The following SAMSN1 variants were observed in gnomAD, a reference collection of about 807,000 sequenced individuals.
The protein encoded by SAMSN1 is SAM domain, SH3 domain and nuclear localization signals 1, also known as SAM domain-containing protein SAMSN-1.
In SAMSN1, 31 loss-of-function variants were observed where a neutral mutation model predicts 42.0. That is an observed-to-expected ratio of 0.74 (90% CI 0.55 to 1.00). The LOEUF (loss-of-function observed/expected upper bound fraction) is 1.00. Ranked by LOEUF, SAMSN1 falls within the 50% of genes least tolerant of loss-of-function variation. The pLI, the probability that SAMSN1 is intolerant of heterozygous loss-of-function variation, is 0.00. For missense variants in SAMSN1, 464 were observed against 439.4 expected (o/e 1.06, Z -0.50); for synonymous variants, 178 against 151.9 (o/e 1.17, Z -1.26).
chr21:14,612,698 A>G (rs1014649506), intron 4 of SAMSN1: 15 of 655,938 alleles, frequency 2.3e-5, no homozygotes, highest in South Asian at 7.7e-5. Context: ...TTTCTTTGTC[A>G]TAGCCATTTA....
chr21:14,486,278 A>G (rs1360347896), intron 7 of SAMSN1, among the ~76,000 whole-genome samples, 164 bp from the exon 8 acceptor site: 2 of 152,190 alleles, frequency 1.3e-5, no homozygotes, highest in Non-Finnish European at 2.9e-5. Flanking sequence ...TACAAAAGAG[A>G]TATTTGCACC....
intron 1 of SAMSN1, among the ~76,000 whole-genome samples, chr21:14,544,876 T>C (rs1481578272): frequency 2.0e-5 from 3 of 152,154 alleles, no homozygotes. Flanking sequence ...TCATTCTCCA[T>C]ATTAACTTTT....
At chr21:14,620,332 C>T (rs565035519) in intron 2 of SAMSN1, among the ~76,000 whole-genome samples, 92 of 152,148 alleles carry the variant, frequency 6.0e-4, no homozygotes, top group East Asian at 3.5e-3. Context: ...TGAGTTCTTA[C>T]GAGATGTGAT....
At chr21:14,654,423 G>T (rs1983882780) in intron 1 of SAMSN1, among the ~76,000 whole-genome samples, 1 of 152,012 alleles carries the variant, frequency 6.6e-6, no homozygotes, top group African/African-American at 2.4e-5. Context: ...AGTAGTGAGT[G>T]AAACTAAAGT....
chr21:14,567,751 A>G (rs990554407), intron 2 of SAMSN1, among the ~76,000 whole-genome samples: 1 of 150,556 alleles, frequency 6.6e-6, no homozygotes, highest in African/African-American at 2.4e-5. Context: ...GACTAAGAAG[A>G]CCTTGACTGA....
At chr21:14,515,327 T>A (rs1359278534) in intron 3 of SAMSN1, among the ~76,000 whole-genome samples, 2 of 152,174 alleles carry the variant, frequency 1.3e-5, no homozygotes, top group Non-Finnish European at 2.9e-5. Flanking sequence ...TTATTTATGA[T>A]CCATATATTT....
intron 1 of SAMSN1, among the ~76,000 whole-genome samples, chr21:14,526,924 T>G (rs747978243): frequency 6.6e-6 from 1 of 152,234 alleles, no homozygotes; most frequent in Non-Finnish European, 1.5e-5. Flanking sequence ...ATTTTCTTTC[T>G]TAGCCAACCA....
chr21:14,550,345 T>C (rs762826906), upstream of SAMSN1, among the ~76,000 whole-genome samples: 11 of 152,112 alleles, frequency 7.2e-5, no homozygotes, highest in Non-Finnish European at 1.3e-4. Flanking sequence ...TCTAATGTGT[T>C]ACTAATTGAA....
At chr21:14,627,550 G>C (rs764465665) in intron 2 of SAMSN1, among the ~76,000 whole-genome samples, 1 of 152,162 alleles carries the variant, frequency 6.6e-6, no homozygotes, top group Non-Finnish European at 1.5e-5. Context: ...ATTGAAGGCT[G>C]TTAGGAAGAC....
chr21:14,492,391 A>G (rs1035123564), intron 7 of SAMSN1, among the ~76,000 whole-genome samples: 1 of 152,222 alleles, frequency 6.6e-6, no homozygotes, highest in African/African-American at 2.4e-5. Flanking sequence ...ATAATAGAAT[A>G]CTGACTTACT....
intron 4 of SAMSN1, among the ~76,000 whole-genome samples, chr21:14,610,102 A>T (rs745882329): frequency 6.6e-6 from 1 of 152,212 alleles, no homozygotes; most frequent in Non-Finnish European, 1.5e-5. Flanking sequence ...TTCTGGGAAC[A>T]AGGGAGATAA....
chr21:14,512,674 A>C (rs1024391489), intron 3 of SAMSN1, 101 bp from the exon 4 acceptor site: 1 of 1,098,834 alleles, frequency 9.1e-7, no homozygotes, highest in African/African-American at 1.6e-5. Flanking sequence ...GCAATAAAAT[A>C]CTTAAGGATA....
intron 1 of SAMSN1, among the ~76,000 whole-genome samples, chr21:14,649,343 C>A (rs1399384474): frequency 0.013 from 1,994 of 151,584 alleles, 35 homozygotes; most frequent in African/African-American, 0.045. Flanking sequence ...TTAGTGGGTG[C>A]AGCGCACCAG....
chr21:14,576,810 T>G (rs1055404129), intron 2 of SAMSN1, among the ~76,000 whole-genome samples: 7 of 152,168 alleles, frequency 4.6e-5, no homozygotes, highest in Non-Finnish European at 8.8e-5. Context: ...TGATTTTTGT[T>G]ATATGATTCT....
intron 2 of SAMSN1, among the ~76,000 whole-genome samples, chr21:14,619,048 C>T (rs1290998814): frequency 2.0e-5 from 3 of 152,124 alleles, no homozygotes; most frequent in Non-Finnish European, 4.4e-5. Context: ...TGAGGGTAGA[C>T]TCTAACAGCA....
upstream of SAMSN1, among the ~76,000 whole-genome samples, chr21:14,548,498 A>C (rs548100812): frequency 3.9e-5 from 6 of 152,316 alleles, no homozygotes; most frequent in East Asian, 1.2e-3. Context: ...AGCAAACAAA[A>C]AATATATATC....
intron 4 of SAMSN1, among the ~76,000 whole-genome samples, chr21:14,610,636 C>T (rs1982679272): frequency 6.6e-6 from 1 of 152,182 alleles, no homozygotes; most frequent in Non-Finnish European, 1.5e-5. Flanking sequence ...ATGTCTCCCA[C>T]AGATACCCAG....
At chr21:14,573,821 C>T (rs117322193) in intron 2 of SAMSN1, among the ~76,000 whole-genome samples, 529 of 152,204 alleles carry the variant, frequency 3.5e-3, no homozygotes, top group Non-Finnish European at 5.6e-3. Context: ...CAAAGAGATC[C>T]TACTATGACA....
At chr21:14,520,617 G>T (rs1042435378) in intron 2 of SAMSN1, among the ~76,000 whole-genome samples, 21 of 152,098 alleles carry the variant, frequency 1.4e-4, no homozygotes, top group African/African-American at 4.8e-4. Context: ...GGTCCCTTGC[G>T]AAACCTCCCC....
Sources: allele counts gnomAD v4.1 joint callset (sites outside exome capture counted in the v4.1 genomes callset), GRCh38; gene constraint gnomAD v4.1.1; transcripts MANE v1.5; gene names NCBI Gene and HGNC (gene_info 2026-07-23, HGNC 2026-07-21).